The following TGM6 variants were observed in gnomAD, a reference collection of about 807,000 sequenced individuals.
TGM6 encodes the protein transglutaminase 6.
A neutral mutation model predicts 77.5 loss-of-function variants in TGM6; 74 were observed. That is an observed-to-expected ratio of 0.96 (90% CI 0.79 to 1.16). The LOEUF is 1.16. TGM6 is among the 50% of genes most tolerant of loss of function. The pLI, the probability that TGM6 is intolerant of heterozygous loss-of-function variation, is 0.00. For synonymous variants in TGM6, 383 were observed against 378.9 expected (o/e 1.01, Z -0.12); for missense variants, 968 against 940.2 (o/e 1.03, Z -0.39).
chr20:2,425,709 T>C (rs6048869), intron 10 of TGM6, among the ~76,000 whole-genome samples: 67,142 of 151,904 alleles, frequency 0.44, 15,826 homozygotes, highest in African/African-American at 0.61. Flanking sequence ...TATGTCATGG[T>C]TCTTTAAAAA....
At chr20:2,401,207 C>CAAAA (rs11480817) in intron 7 of TGM6, among the ~76,000 whole-genome samples, 14 of 149,594 alleles carry the variant, frequency 9.4e-5, no homozygotes, top group African/African-American at 3.2e-4. Context: ...GACTTCGTCT[C>CAAAA]AAAAAAAAAA....
chr20:2,382,701 C>T (rs1568650090), intron 1 of TGM6, among the ~76,000 whole-genome samples: 1 of 152,174 alleles, frequency 6.6e-6, no homozygotes. Flanking sequence ...GCCTACCACA[C>T]ACTCTGTGCC....
In TGM6 at chr20:2,400,376, C is replaced by A; in HGVS notation, c.921C>A (p.Asn307Lys). ...ACTCAGCCCACGACACAGACCAGAA[C>A]CTGAGTGTGGACAAATACGTGGACT... ...NFNSAHDTDQ[N>K]LSVDKYVDSF... is the part of the protein sequence containing the mutation. Residue 307 changes from asparagine (N) to lysine (K), a missense_variant, in exon 7 of 13, where the codon AAC becomes AAA. Asn to Lys is a moderately conservative substitution (Grantham distance 94). Transcript: ENST00000202625. 3.7e-6 allele frequency: 6 copies of A among 1,614,222 alleles called. No homozygotes were observed. Among genetic ancestry groups the A allele is most frequent in the Non-Finnish European group, 5.1e-6 (6 of 1,180,046 alleles).
intron 3 of TGM6, among the ~76,000 whole-genome samples, chr20:2,396,060 A>G (rs985789047): frequency 7.2e-5 from 11 of 151,938 alleles, no homozygotes; most frequent in Non-Finnish European, 1.6e-4. Context: ...CACGCCTGTA[A>G]TCCCAGCTAC....
rs116418046 is a variant in TGM6, at chr20:2,383,493, A to G, written c.7+2518A>G. Among the ~76,000 whole-genome samples, 607 of 152,328 alleles carry G rather than the reference A, an allele frequency of 4.0e-3. 4 individuals carry two copies. The highest frequency in any genetic ancestry group is 0.014 in the African/African-American group (580 of 41,574). ...TAGTTGGGGAGGAGGTCAGAGGGCC[A>G]GAAGTGATGGGCAGGGCCTGACTGT... On this transcript the variant is annotated intron_variant, in intron 1 of 12. Coordinates refer to ENST00000202625, the MANE Select transcript of TGM6 (RefSeq NM_198994.3).
At position 2,395,291 on chromosome 20, in the gene TGM6, G is replaced by A. The variant is rs999608768; in HGVS notation, c.279G>A (p.Met93Ile). 10 of 1,614,082 alleles carry A rather than the reference G, an allele frequency of 6.2e-6. No homozygotes were observed. The highest frequency in any genetic ancestry group is 1.3e-5 in the African/African-American group (1 of 74,942). The change falls in exon 3 of 13, where the codon ATG becomes ATA. Residue 93 changes from methionine to isoleucine, a missense_variant. Coordinates refer to ENST00000202625, the MANE Select transcript of TGM6 (RefSeq NM_198994.3). ...EGWTAAREAQMEKTLTVSLAS... is the reference protein window; with the variant it reads ...EGWTAAREAQIEKTLTVSLAS... Reference sequence around the variant, plus strand: ...GGACAGCAGCAAGGGAGGCTCAGATGGAGAAAACTCTGACCGTCAGTCTCG... The same window carrying A: ...GGACAGCAGCAAGGGAGGCTCAGATAGAGAAAACTCTGACCGTCAGTCTCG...
At chr20:2,418,400 AG>A (rs2084833232) in intron 10 of TGM6, among the ~76,000 whole-genome samples, 1 of 152,248 alleles carries the variant, frequency 6.6e-6, no homozygotes, top group Non-Finnish European at 1.5e-5. Flanking sequence ...TACTAGTGCT[AG>A]CTCCATCTTT....
In TGM6 at chr20:2,395,533, A is replaced by G. The variant is rs144842973; in HGVS notation, c.424+97A>G. On this transcript the variant is annotated intron_variant, in intron 3 of 12. Transcript: ENST00000202625. Reference sequence around the variant, plus strand: ...GGGCCTGGGAGGTGGGTTAAAGGACAAGAAGCTGAATGCCAAGAGCTGGGC... The same window carrying G: ...GGGCCTGGGAGGTGGGTTAAAGGACGAGAAGCTGAATGCCAAGAGCTGGGC... The G allele has an allele frequency of 4.6e-5, 74 of 1,602,984 alleles. No homozygotes were observed. In the African/African-American group the frequency reaches 8.2e-4, roughly 18 times the overall value.
At chr20:2,399,264 G>T (rs1470307920) in intron 5 of TGM6, among the ~76,000 whole-genome samples, 1 of 152,096 alleles carries the variant, frequency 6.6e-6, no homozygotes, top group African/African-American at 2.4e-5. Flanking sequence ...AATGTTAGCT[G>T]TCCCTATAAT....
chr20:2,392,005 C>T (rs550816876), intron 1 of TGM6, among the ~76,000 whole-genome samples: 31 of 152,206 alleles, frequency 2.0e-4, no homozygotes, highest in Non-Finnish European at 3.8e-4. Context: ...GCTTATAGTA[C>T]TCTGGCAAAT....
intron 10 of TGM6, among the ~76,000 whole-genome samples, chr20:2,428,650 G>C (rs988297875): frequency 1.3e-5 from 2 of 151,542 alleles, no homozygotes; most frequent in Non-Finnish European, 2.9e-5. Context: ...CAGTGTTTTT[G>C]ATATTATTAT....
Position 2,430,903 on chromosome 20 carries a change from C to T in TGM6, c.1843C>T (p.Pro615Ser). The T allele has an allele frequency of 1.9e-6, 3 of 1,614,024 alleles. No individual in the cohort carries two copies. The highest frequency in any genetic ancestry group is 2.5e-6 in the Non-Finnish European group (3 of 1,179,988). The change falls in exon 12 of 13, where the codon CCA (proline) becomes TCA (serine). Residue 615 changes from proline (P) to serine (S), a missense_variant. By Grantham distance (74) the Pro-to-Ser change is moderately conservative (BLOSUM62 -1). Transcript: ENST00000202625. ...GTGTTGTCCCCTTCAGGTTCTGGGCCCAGCCATGGTGGGAGTGGCAGTTAC... is the reference window on the plus strand; with the variant it reads ...GTGTTGTCCCCTTCAGGTTCTGGGCTCAGCCATGGTGGGAGTGGCAGTTAC... ...EDFITIKVLG[P>S]AMVGVAVTVE... is the part of the protein sequence containing the mutation.
chr20:2,426,615 A>G (rs2084889184), intron 10 of TGM6, among the ~76,000 whole-genome samples: 1 of 152,208 alleles, frequency 6.6e-6, no homozygotes, highest in Non-Finnish European at 1.5e-5. Flanking sequence ...GAAAGCTTCC[A>G]GTTTGTCACC....
At chr20:2,416,405 G>A (rs1470096493) in intron 9 of TGM6, among the ~76,000 whole-genome samples, 2 of 152,170 alleles carry the variant, frequency 1.3e-5, no homozygotes, top group East Asian at 3.8e-4. Flanking sequence ...ATTCAATGGA[G>A]AAAGAATAAA....
intron 1 of TGM6, among the ~76,000 whole-genome samples, chr20:2,382,559 G>A (rs1017450744): frequency 3.3e-5 from 5 of 152,158 alleles, no homozygotes; most frequent in Admixed American, 1.3e-4. Flanking sequence ...CTGTTTCTCC[G>A]TCTGTGAAAT....
intron 3 of TGM6, among the ~76,000 whole-genome samples, chr20:2,396,201 GAAAATAAGAAA>G (rs2084665648): frequency 6.7e-6 from 1 of 150,002 alleles, no homozygotes; most frequent in Non-Finnish European, 1.5e-5. Context: ...AAAAAGAAAA[GAAAATAAGAAA>G]AAAAGAAGGA....
At chr20:2,414,438 T>C (rs1026286815) in intron 9 of TGM6, among the ~76,000 whole-genome samples, 1 of 152,188 alleles carries the variant, frequency 6.6e-6, no homozygotes, top group Non-Finnish European at 1.5e-5. Flanking sequence ...TGTGGAGAAA[T>C]TGAAACACTC....
At chr20:2,407,200 C>A (rs1246766296) in intron 9 of TGM6, among the ~76,000 whole-genome samples, 1 of 152,236 alleles carries the variant, frequency 6.6e-6, no homozygotes, top group East Asian at 1.9e-4. Flanking sequence ...TGTTTATTGA[C>A]TGCCTACTGT....
intron 9 of TGM6, among the ~76,000 whole-genome samples, chr20:2,405,371 A>T (rs2084742487): frequency 6.6e-6 from 1 of 152,234 alleles, no homozygotes; most frequent in Non-Finnish European, 1.5e-5. Context: ...AGCAGGCCAG[A>T]TTCCACCCCT....
Sources: gnomAD v4.1 joint callset for allele counts (sites outside exome capture counted in the v4.1 genomes callset) on GRCh38, gnomAD v4.1.1 for gene constraint, MANE v1.5 for transcripts, NCBI Gene and HGNC (gene_info 2026-07-23, HGNC 2026-07-21) for gene names.